Variants in PGLYRP3 observed in about 807,000 individuals in gnomAD.
PGLYRP3 encodes peptidoglycan recognition protein 3.
Under a neutral mutation model 36.0 loss-of-function variants are expected in PGLYRP3, and 39 were observed. The observed-to-expected ratio is 1.08, with a 90% CI of 0.84 to 1.41. PGLYRP3 has a LOEUF of 1.41. Among genes scored for constraint, PGLYRP3 ranks in the 40% most tolerant of loss-of-function variants. The pLI is 0.00. For missense variants in PGLYRP3, 407 were observed against 427.9 expected, an observed-to-expected ratio of 0.95 and a Z score of 0.43; for synonymous variants, 204 against 172.8, an observed-to-expected ratio of 1.18 and a Z score of -1.42.
At chr1:153,308,437 C>T (rs1659811514) in intron 2 of PGLYRP3, among the ~76,000 whole-genome samples, 1 of 152,192 alleles carries the variant, frequency 6.6e-6, no homozygotes, top group African/African-American at 2.4e-5. Flanking sequence ...TGACTTTCAG[C>T]CCAGACATTA....
Position 153,304,005 on chromosome 1 carries a change from G to A in PGLYRP3, c.381C>T (p.Ser127=). The A allele has an allele frequency of 6.2e-7, 1 of 1,611,824 alleles. No homozygotes were observed. The highest frequency in any genetic ancestry group is 1.3e-5 in the African/African-American group (1 of 74,994). The change falls in exon 5 of 8, where the codon AGC becomes AGT. Residue 127 remains serine, a synonymous_variant. Coordinates refer to ENST00000683862, the MANE Select transcript of PGLYRP3 (RefSeq NM_052891.3). ...CTGATAAGGCAGCAGGGCTGGGACTGCTGCCTTAAAGAGGAGGACAGGGAG... is the reference window on the plus strand; with the variant it reads ...CTGATAAGGCAGCAGGGCTGGGACTACTGCCTTAAAGAGGAGGACAGGGAG... ...GIAFFGNKIG[S]SPSPAALSAA...
chr1:153,310,529 G>A (rs960509222), intron 2 of PGLYRP3, 82 bp downstream of exon 2: 28 of 1,413,010 alleles, frequency 2.0e-5, no homozygotes, highest in Non-Finnish European at 2.4e-5. Flanking sequence ...GAAAGCACTC[G>A]GATGGGTTTC....
rs1241243033 is a variant in PGLYRP3, at chr1:153,297,850, G to A, written c.*106C>T. ...GACCATTCAAACCTGAGAAAGGATG[G>A]GCTGGCAGGGGAGGGGGACACAAGG... On this transcript the variant is annotated 3_prime_UTR_variant, in exon 8 of 8. Transcript: ENST00000683862. 16 of 1,280,464 alleles carry A rather than the reference G, an allele frequency of 1.2e-5. No homozygotes were observed. The highest frequency in any genetic ancestry group is 1.1e-6 in the Non-Finnish European group (1 of 911,956). 79.3% of individuals were successfully genotyped at this position (1,280,464 alleles called of 1,614,324 possible).
Position 153,297,508 on chromosome 1 carries a change from A to C in PGLYRP3, c.*448T>G, listed in dbSNP as rs1324845258. Among the ~76,000 whole-genome samples the C allele has an allele frequency of 1.8e-5, 1 of 55,674 alleles. No homozygotes were observed. The highest frequency in any genetic ancestry group is 8.1e-5 in the African/African-American group (1 of 12,414). The allele number at this position is 55,674 out of a possible 152,430, so 36.5% of individuals were successfully genotyped here. A position where few individuals can be genotyped will look rare whatever the true frequency, so the allele number is the denominator to read the frequency against. On this transcript the variant is annotated 3_prime_UTR_variant, in exon 8 of 8. Coordinates refer to ENST00000683862, the MANE Select transcript of PGLYRP3 (RefSeq NM_052891.3). Reference sequence around the variant, plus strand: ...AGCAAGAAAGAAGGTGAAAGGAAGGAAGGAAGGAAGGAAGGAAGGAAGGAA... The same window carrying C: ...AGCAAGAAAGAAGGTGAAAGGAAGGCAGGAAGGAAGGAAGGAAGGAAGGAA...
At chr1:153,299,710 C>A (rs1659538939) in intron 6 of PGLYRP3, among the ~76,000 whole-genome samples, 1 of 152,194 alleles carries the variant, frequency 6.6e-6, no homozygotes, top group African/African-American at 2.4e-5. Context: ...TCACCCTGGA[C>A]AATCATTGCC....
intron 6 of PGLYRP3, among the ~76,000 whole-genome samples, chr1:153,299,856 T>A (rs1194822645): frequency 6.6e-6 from 1 of 152,226 alleles, no homozygotes; most frequent in East Asian, 1.9e-4. Context: ...CAATCATGGC[T>A]TGTCAATTGT....
intron 2 of PGLYRP3, among the ~76,000 whole-genome samples, chr1:153,308,535 G>C (rs1460491139): frequency 6.6e-6 from 1 of 152,180 alleles, no homozygotes; most frequent in Non-Finnish European, 1.5e-5. Context: ...TGAATGAACT[G>C]TGAGATGCTG....
At chr1:153,301,964 G>T (rs1211180106) in intron 6 of PGLYRP3, among the ~76,000 whole-genome samples, 1 of 152,178 alleles carries the variant, frequency 6.6e-6, no homozygotes, top group Non-Finnish European at 1.5e-5. Context: ...GAGGTTAAAA[G>T]TTCCTACATC....
chr1:153,306,967 G>A, intron 3 of PGLYRP3, 99 bp downstream of exon 3: 1 of 1,135,648 alleles, frequency 8.8e-7, no homozygotes, highest in Admixed American at 2.3e-5. Context: ...CAAAAGCAAT[G>A]TAAATGAAGC....
intron 5 of PGLYRP3, among the ~76,000 whole-genome samples, chr1:153,303,223 C>T (rs908279288): frequency 4.6e-5 from 7 of 152,174 alleles, no homozygotes; most frequent in African/African-American, 1.7e-4. Context: ...CAAAATAGTG[C>T]ATTATTTTTA....
rs1199988452 is a variant in PGLYRP3 at position 153,297,649 on chromosome 1, GGA to G, written c.*305_*306del. 2.6e-5 allele frequency among the ~76,000 whole-genome samples: 4 copies of G among 151,590 alleles called. No individual in the cohort carries two copies. Among genetic ancestry groups the G allele is most frequent in the Non-Finnish European group, 5.9e-5 (4 of 67,890 alleles). ...AAAGAAGAGGAGACAGGGGTTGGGG[GGA>G]GAGAGAGAGAAATGCCACAAGGACC... On this transcript the variant is annotated 3_prime_UTR_variant, in exon 8 of 8. Transcript: ENST00000683862.
At position 153,299,925 on chromosome 1, in the gene PGLYRP3, A is replaced by G. The variant is rs926789278; in HGVS notation, c.729-694T>C. On this transcript the variant is annotated intron_variant, in intron 6 of 7. Coordinates refer to ENST00000683862, the MANE Select transcript of PGLYRP3 (RefSeq NM_052891.3). The stretch of plus-strand genomic sequence containing the variant: ...TTTCTAGACCAACTGCCACGATCCC[A>G]CTGCAAGTCACTGGATCACTGCAAT... 2.0e-5 allele frequency among the ~76,000 whole-genome samples: 3 copies of G among 152,144 alleles called. No individual in the cohort carries two copies. In the South Asian group the frequency reaches 6.2e-4, roughly 31 times the overall value.
chr1:153,300,163 C>T (rs1659549692), intron 6 of PGLYRP3, among the ~76,000 whole-genome samples: 1 of 152,246 alleles, frequency 6.6e-6, no homozygotes, highest in Non-Finnish European at 1.5e-5. Flanking sequence ...CACCACTCCT[C>T]TCTTTCAAAT....
At position 153,297,547 on chromosome 1, in the gene PGLYRP3, G is replaced by A. The variant is rs1557805304; in HGVS notation, c.*409C>T. On this transcript the variant is annotated 3_prime_UTR_variant, in exon 8 of 8. Coordinates refer to ENST00000683862, the MANE Select transcript of PGLYRP3 (RefSeq NM_052891.3). ...GGAAGGAAGGAAGGAAGGAAGGAAGGAAGGAAAGAAAGAAAAAGAAAGAAA... is the reference window on the plus strand; with the variant it reads ...GGAAGGAAGGAAGGAAGGAAGGAAGAAAGGAAAGAAAGAAAAAGAAAGAAA... 2.5e-4 allele frequency among the ~76,000 whole-genome samples: 20 copies of A among 79,734 alleles called. No individual in the cohort carries two copies. Among genetic ancestry groups the A allele is most frequent in the African/African-American group, 9.0e-4 (18 of 19,974 alleles). 52.3% of individuals were successfully genotyped at this position (79,734 alleles called of 152,430 possible).
At position 153,305,060 on chromosome 1, in the gene PGLYRP3, A is replaced by T; in HGVS notation, c.263T>A (p.Leu88Gln). Residue 88 changes from leucine (L) to glutamine (Q), a missense_variant, in exon 4 of 8, where the codon CTG becomes CAG. Leu to Gln is a moderately radical substitution (Grantham distance 113). Transcript: ENST00000683862. ...IGWCDVAYNF[L>Q]VGDDGRVYEG... is the part of the protein sequence containing the mutation. Reference sequence around the variant, plus strand: ...ATACACCCTGCCATCATCCCCAACCAGGAAGCTGACAAGAAGGAAATAATG... The same window carrying T: ...ATACACCCTGCCATCATCCCCAACCTGGAAGCTGACAAGAAGGAAATAATG... 1 of 1,609,100 alleles carries T rather than the reference A, an allele frequency of 6.2e-7. No homozygotes were observed. Among genetic ancestry groups the T allele is most frequent in the Non-Finnish European group, 8.5e-7 (1 of 1,178,110 alleles).
At chr1:153,298,259 C>A (rs1659491852) in intron 7 of PGLYRP3, 125 bp from the exon 8 acceptor site, 1 of 1,044,122 alleles carries the variant, frequency 9.6e-7, no homozygotes, top group Non-Finnish European at 1.4e-6. Flanking sequence ...TCACCATAGC[C>A]AACACATTTA....
Position 153,305,040 on chromosome 1 carries a change from C to G in PGLYRP3, c.283G>C (p.Val95Leu), listed in dbSNP as rs1163238755. Residue 95 changes from valine (V) to leucine (L), a missense_variant, in exon 4 of 8, where the codon GTG becomes CTG. Val to Leu is a conservative substitution (Grantham distance 32). Transcript: ENST00000683862. ...YNFLVGDDGR[V>L]YEGVGWNIQG... is the part of the protein sequence containing the mutation. ...ATGTTCCAGCCAACACCTTCATACA[C>G]CCTGCCATCATCCCCAACCAGGAAG... is the stretch of plus-strand genomic sequence containing the variant. 1 of 1,613,102 alleles carries G rather than the reference C, an allele frequency of 6.2e-7. No homozygotes were observed. The highest frequency in any genetic ancestry group is 2.2e-5 in the East Asian group (1 of 44,830).
chr1:153,308,000 C>CTT (rs34266664), intron 2 of PGLYRP3, among the ~76,000 whole-genome samples: 62,654 of 145,068 alleles, frequency 0.43, 14,027 homozygotes, highest in Non-Finnish European at 0.51. Flanking sequence ...TTCTCTCTCT[C>CTT]TTTTTTTTTT....
rs1316444997 is a variant in PGLYRP3, at chr1:153,297,602, A to AAGAAAGAAAG, written c.*353_*354insCTTTCTTTCT. Reference sequence around the variant, plus strand: ...GAAAGAAGAAAGAAAGAAAGAAAGAAAGAGAAAGGAAGCAAAGAAAGAAAG... The same window carrying AAGAAAGAAAG: ...GAAAGAAGAAAGAAAGAAAGAAAGAAAGAAAGAAAGAGAGAAAGGAAGCAAAGAAAGAAAG... On this transcript the variant is annotated 3_prime_UTR_variant, in exon 8 of 8. Coordinates refer to ENST00000683862, the MANE Select transcript of PGLYRP3 (RefSeq NM_052891.3). 1.4e-5 allele frequency among the ~76,000 whole-genome samples: 2 copies of AAGAAAGAAAG among 145,048 alleles called. No homozygotes were observed. The highest frequency in any genetic ancestry group is 5.2e-5 in the African/African-American group (2 of 38,642).
Sources: gnomAD v4.1 joint callset for allele counts (sites outside exome capture counted in the v4.1 genomes callset) on GRCh38, gnomAD v4.1.1 for gene constraint, MANE v1.5 for transcripts, NCBI Gene and HGNC (gene_info 2026-07-23, HGNC 2026-07-21) for gene names.